The following NKAIN3 variants were observed in gnomAD, a reference collection of about 807,000 sequenced individuals.
The protein encoded by NKAIN3 is sodium/potassium-transporting ATPase subunit beta-1-interacting protein 3.
In NKAIN3, 25 loss-of-function variants were observed where a neutral mutation model predicts 30.2. The ratio of observed to expected loss-of-function variants is 0.83; its 90% CI spans 0.60 to 1.16. The LOEUF (loss-of-function observed/expected upper bound fraction) is 1.16, where lower values mean the gene tolerates loss of function less well. NKAIN3 is among the 50% of genes most tolerant of loss of function. NKAIN3 has a pLI of 0.00. For synonymous variants in NKAIN3, 91 were observed against 89.6 expected (o/e 1.02, Z -0.09); for missense variants, 225 against 254.1 (o/e 0.89, Z 0.78).
At chr8:62,959,398 A>G (rs1436416907) in intron 6 of NKAIN3, among the ~76,000 whole-genome samples, 2 of 151,430 alleles carry the variant, frequency 1.3e-5, no homozygotes, top group Non-Finnish European at 2.9e-5. Flanking sequence ...CATTTATAGC[A>G]TCAACATTAA....
At chr8:62,810,386 T>C (rs1818449582) in intron 4 of NKAIN3, among the ~76,000 whole-genome samples, 1 of 152,092 alleles carries the variant, frequency 6.6e-6, no homozygotes, top group Non-Finnish European at 1.5e-5. Flanking sequence ...GTTTTATTTA[T>C]GGTGTGCAAG....
intron 1 of NKAIN3, among the ~76,000 whole-genome samples, chr8:62,297,534 A>G (rs1222179783): frequency 6.6e-6 from 1 of 152,090 alleles, no homozygotes; most frequent in African/African-American, 2.4e-5. Flanking sequence ...ACACTTCTCA[A>G]AAGAAGACAT....
chr8:62,635,734 C>G (rs943819475), intron 3 of NKAIN3, among the ~76,000 whole-genome samples: 2 of 152,112 alleles, frequency 1.3e-5, no homozygotes, highest in Non-Finnish European at 2.9e-5. Context: ...CTGCATGAAC[C>G]TTCATCTTGG....
rs1255150027 is a variant in NKAIN3, at chr8:62,603,655, G to A, written c.273+13861G>A. Among the ~76,000 whole-genome samples, 3 of 152,184 alleles carry A rather than the reference G, an allele frequency of 2.0e-5. No individual in the cohort carries two copies. The South Asian group carries it at 6.2e-4, about 32-fold the overall frequency. On this transcript the variant is annotated intron_variant, in intron 3 of 6. Coordinates refer to ENST00000623646, the MANE Select transcript of NKAIN3 (RefSeq NM_001304533.3). ...GAATTATAGGCTGAGGCTTCAGATTGAACTTAATTAGTGTCTTGCACACAT... is the reference window on the plus strand; with the variant it reads ...GAATTATAGGCTGAGGCTTCAGATTAAACTTAATTAGTGTCTTGCACACAT...
At chr8:62,607,915 T>G (rs1365051802) in intron 3 of NKAIN3, among the ~76,000 whole-genome samples, 1 of 152,186 alleles carries the variant, frequency 6.6e-6, no homozygotes, top group Admixed American at 6.5e-5. Flanking sequence ...ATATTTACAT[T>G]AATTTATTAA....
At chr8:62,840,362 A>C (rs1045148425) in intron 4 of NKAIN3, among the ~76,000 whole-genome samples, 8 of 151,956 alleles carry the variant, frequency 5.3e-5, no homozygotes, top group Non-Finnish European at 8.8e-5. Context: ...AAAAAAAAAA[A>C]ATTAACAGTA....
intron 1 of NKAIN3, among the ~76,000 whole-genome samples, chr8:62,316,234 A>T (rs982094996): frequency 2.0e-5 from 3 of 152,150 alleles, no homozygotes; most frequent in African/African-American, 7.2e-5. Flanking sequence ...TGGCAGCATG[A>T]AAACGGACTA....
intron 4 of NKAIN3, among the ~76,000 whole-genome samples, chr8:62,876,181 C>T (rs1374197125): frequency 6.6e-6 from 1 of 152,140 alleles, no homozygotes; most frequent in Non-Finnish European, 1.5e-5. Context: ...ACAGACACTT[C>T]TCAAAAGAAG....
intron 1 of NKAIN3, among the ~76,000 whole-genome samples, chr8:62,261,301 A>G (rs1472835641): frequency 6.6e-6 from 1 of 152,218 alleles, no homozygotes; most frequent in Non-Finnish European, 1.5e-5. Context: ...TTTGGTTTTA[A>G]TAATAGCTTT....
intron 1 of NKAIN3, among the ~76,000 whole-genome samples, chr8:62,252,656 C>T (rs931699943): frequency 4.6e-5 from 7 of 152,132 alleles, no homozygotes; most frequent in Non-Finnish European, 1.0e-4. Flanking sequence ...TGAATACAGG[C>T]CCATCAAAAA....
At position 62,790,549 on chromosome 8, in the gene NKAIN3, T is replaced by TTG. The variant is rs60487439; in HGVS notation, c.471+43438_471+43439dup. 7.0e-3 allele frequency among the ~76,000 whole-genome samples: 1,043 copies of TTG among 148,804 alleles called. 9 individuals carry two copies. Among genetic ancestry groups the TTG allele is most frequent in the African/African-American group, 0.019 (771 of 40,672 alleles). Reference sequence around the variant, plus strand: ...GGCAGTGAGCAAGAGGCTCTTTTCCTTGTGTGTGTGTGTGTGTGTCTGTCT... The same window carrying TTG: ...GGCAGTGAGCAAGAGGCTCTTTTCCTTGTGTGTGTGTGTGTGTGTGTCTGTCT... On this transcript the variant is annotated intron_variant, in intron 4 of 6. Coordinates refer to ENST00000623646, the MANE Select transcript of NKAIN3 (RefSeq NM_001304533.3).
intron 3 of NKAIN3, among the ~76,000 whole-genome samples, chr8:62,729,055 T>G (rs1197020348): frequency 2.1e-5 from 1 of 48,352 alleles, no homozygotes; most frequent in African/African-American, 1.2e-4. Context: ...AAAAAAAACC[T>G]CCTGCTCTGC....
At chr8:62,665,657 G>C (rs906169343) in intron 3 of NKAIN3, among the ~76,000 whole-genome samples, 1 of 152,152 alleles carries the variant, frequency 6.6e-6, no homozygotes, top group African/African-American at 2.4e-5. Context: ...GAAGTTCATA[G>C]ATCATTCTTC....
At chr8:62,400,702 T>G (rs1287578242) in intron 1 of NKAIN3, among the ~76,000 whole-genome samples, 1 of 28,174 alleles carries the variant, frequency 3.5e-5, no homozygotes, top group Non-Finnish European at 9.7e-5. Flanking sequence ...AAGTTAACAG[T>G]TTTTTTTTTT....
chr8:62,273,335 A>G (rs1280127119), intron 1 of NKAIN3, among the ~76,000 whole-genome samples: 5 of 152,130 alleles, frequency 3.3e-5, no homozygotes, highest in Non-Finnish European at 7.3e-5. Context: ...ACTTTGTATC[A>G]CCTAACACAT....
chr8:62,895,480 T>C (rs1268910286), intron 4 of NKAIN3, among the ~76,000 whole-genome samples: 1 of 152,178 alleles, frequency 6.6e-6, no homozygotes, highest in Non-Finnish European at 1.5e-5. Context: ...GAATTTGTAG[T>C]TTAACAAGAT....
At chr8:62,678,589 A>G (rs1322006716) in intron 3 of NKAIN3, among the ~76,000 whole-genome samples, 2 of 151,900 alleles carry the variant, frequency 1.3e-5, no homozygotes, top group African/African-American at 4.8e-5. Context: ...TTTATAGGCC[A>G]GTCATTTCAA....
intron 1 of NKAIN3, among the ~76,000 whole-genome samples, chr8:62,270,801 C>G (rs2129392650): frequency 6.6e-6 from 1 of 152,234 alleles, no homozygotes; most frequent in East Asian, 1.9e-4. Context: ...CATGTAAGTG[C>G]GAGCATGTGG....
In NKAIN3 at chr8:62,263,335, T is replaced by C. The variant is rs140267240; in HGVS notation, c.54+14208T>C. Among the ~76,000 whole-genome samples, 453 of 152,264 alleles carry C rather than the reference T, an allele frequency of 3.0e-3. 2 individuals carry two copies. The highest frequency in any genetic ancestry group is 0.01 in the African/African-American group (432 of 41,572). ...ATGTACTTCTTTAGTCAATATGTAG[T>C]TTGCTTTATATTAAATGAAGAGGTA... On this transcript the variant is annotated intron_variant, in intron 1 of 6. Coordinates refer to ENST00000623646, the MANE Select transcript of NKAIN3 (RefSeq NM_001304533.3).
Sources: gnomAD v4.1 joint callset for allele counts (sites outside exome capture counted in the v4.1 genomes callset) on GRCh38, gnomAD v4.1.1 for gene constraint, MANE v1.5 for transcripts, NCBI Gene and HGNC (gene_info 2026-07-23, HGNC 2026-07-21) for gene names.